Variants in F2RL2 observed in about 807,000 individuals in gnomAD.
F2RL2 encodes the protein proteinase-activated receptor 3.
In F2RL2, 4 loss-of-function variants were observed where a neutral mutation model predicts 4.3. The observed-to-expected ratio is 0.93, with a 90% CI of 0.46 to 2.12. The LOEUF is 2.12. Among genes scored for constraint, F2RL2 ranks in the 30% most tolerant of loss-of-function variants. F2RL2 has a pLI of 0.02. For synonymous variants in F2RL2, 166 were observed against 170.9 expected (o/e 0.97, Z 0.22); for missense variants, 408 against 449.3 (o/e 0.91, Z 0.83).
chr5:76,618,690 A>G, intron 1 of F2RL2, 48 bp from the exon 2 acceptor site: 1 of 1,393,712 alleles, frequency 7.2e-7, no homozygotes, highest in Non-Finnish European at 9.9e-7. Context: ...TCAAGAGAAA[A>G]GAAAGTGTGT....
At position 76,617,911 on chromosome 5, in the gene F2RL2, A is replaced by G. The variant is rs1002606691; in HGVS notation, c.796T>C (p.Leu266=). Residue 266 remains leucine (L), a synonymous_variant, in exon 2 of 2, where the codon TTG becomes CTG. Transcript: ENST00000296641. ...GGAATTAAGAATCCAAAGAATGCCA[A>G]GGAGATGAAGTAATAGAGTTGGAAG... ...SPFQLYYFIS[L]AFFGFLIPFV... is the part of the protein sequence containing the mutation. 2.5e-6 allele frequency: 4 copies of G among 1,614,162 alleles called. No homozygotes were observed. Among genetic ancestry groups the G allele is most frequent in the Non-Finnish European group, 3.4e-6 (4 of 1,180,018 alleles).
At position 76,618,541 on chromosome 5, in the gene F2RL2, A is replaced by C; in HGVS notation, c.166T>G (p.Leu56Val). Residue 56 changes from leucine to valine, a missense_variant, in exon 2 of 2, where the codon TTG becomes GTG. Coordinates refer to ENST00000296641, the MANE Select transcript of F2RL2 (RefSeq NM_004101.4). ...NSFEEFPFSA[L>V]EGWTGATITV... ...ATCGTGGCTCCTGTCCAGCCTTCCA[A>C]GGCAGAAAAGGGGAACTCTTCAAAA... The C allele has an allele frequency of 6.2e-7, 1 of 1,614,160 alleles. No individual in the cohort carries two copies. Among genetic ancestry groups the C allele is most frequent in the Non-Finnish European group, 8.5e-7 (1 of 1,180,014 alleles).
At chr5:76,621,063 G>C (rs908419831) in intron 1 of F2RL2, among the ~76,000 whole-genome samples, 1 of 152,004 alleles carries the variant, frequency 6.6e-6, no homozygotes, top group African/African-American at 2.4e-5. Flanking sequence ...CATTCTTATC[G>C]ATTTAAAATG....
chr5:76,622,482 G>C (rs1309085811), intron 1 of F2RL2, among the ~76,000 whole-genome samples: 1 of 152,156 alleles, frequency 6.6e-6, no homozygotes, highest in Non-Finnish European at 1.5e-5. Flanking sequence ...ATGTTGACTG[G>C]AGTGTGTGAC....
intron 1 of F2RL2, 24 bp from the exon 2 acceptor site, chr5:76,618,666 C>T: frequency 2.6e-6 from 4 of 1,552,700 alleles, no homozygotes; most frequent in Non-Finnish European, 2.7e-6. Flanking sequence ...AAAGTATTAA[C>T]ATAAATGTAT....
Position 76,616,949 on chromosome 5 carries a change from C to G in F2RL2, c.*633G>C, listed in dbSNP as rs1285738932. The G allele has an allele frequency of 6.6e-6, 1 of 152,212 alleles. No homozygotes were observed. The highest frequency in any genetic ancestry group is 1.5e-5 in the Non-Finnish European group (1 of 68,124). The allele number at this position is 152,212 out of a possible 1,614,324, so 9.4% of individuals were successfully genotyped here. ...TAGAATCAGTTGATGAGGCAGCCAC[C>G]AGCATGAGAGTCAAAAGAGACCAAA... On this transcript the variant is annotated 3_prime_UTR_variant, in exon 2 of 2. Coordinates refer to ENST00000296641, the MANE Select transcript of F2RL2 (RefSeq NM_004101.4).
chr5:76,622,566 C>G (rs1239161133), intron 1 of F2RL2, among the ~76,000 whole-genome samples: 3 of 152,116 alleles, frequency 2.0e-5, no homozygotes, highest in African/African-American at 7.2e-5. Context: ...TTCAGGCTAA[C>G]ATTGTGATGG....
Position 76,618,271 on chromosome 5 carries a change from A to G in F2RL2, c.436T>C (p.Leu146=), listed in dbSNP as rs372858542. ...AIADFLFCVT[L]PFKIAYHLNG... is the part of the protein sequence containing the mutation. ...AGATGATAAGCTATCTTAAAGGGCA[A>G]TGTAACACAAAAAAGAAAATCTGCA... Residue 146 remains leucine, a synonymous_variant, in exon 2 of 2, where the codon TTG becomes CTG. Coordinates refer to ENST00000296641, the MANE Select transcript of F2RL2 (RefSeq NM_004101.4). 1.2e-6 allele frequency: 2 copies of G among 1,614,232 alleles called. No homozygotes were observed. Among genetic ancestry groups the G allele is most frequent in the Non-Finnish European group, 1.7e-6 (2 of 1,180,034 alleles).
Position 76,617,678 on chromosome 5 carries a change from A to C in F2RL2, c.1029T>G (p.Ala343=). The part of the protein sequence containing the change: ...TDGLYFIYLI[A]LCLGSLNSCL... ...AACTATTAAGACTACCCAGGCACAA[A>C]GCTATGAGATATATAAAATATAAGC... The change falls in exon 2 of 2, where the codon GCT becomes GCG. Residue 343 remains alanine, a synonymous_variant. Transcript: ENST00000296641. 2.5e-6 allele frequency: 4 copies of C among 1,614,124 alleles called. No homozygotes were observed. The highest frequency in any genetic ancestry group is 3.4e-6 in the Non-Finnish European group (4 of 1,180,010).
intron 1 of F2RL2, among the ~76,000 whole-genome samples, chr5:76,621,553 A>G (rs1749674343): frequency 6.6e-6 from 1 of 152,196 alleles, no homozygotes; most frequent in African/African-American, 2.4e-5. Flanking sequence ...CGTACAAGTT[A>G]TTAGCCTGAT....
Position 76,618,279 on chromosome 5 carries a change from C to G in F2RL2, c.428G>C (p.Cys143Ser). 1 of 1,614,116 alleles carries G rather than the reference C, an allele frequency of 6.2e-7. No individual in the cohort carries two copies. Among genetic ancestry groups the G allele is most frequent in the Non-Finnish European group, 8.5e-7 (1 of 1,180,006 alleles). ...AGCTATCTTAAAGGGCAATGTAACA[C>G]AAAAAAGAAAATCTGCAATGGCCAG... is the stretch of plus-strand genomic sequence containing the variant. ...TNLAIADFLF[C>S]VTLPFKIAYH... Residue 143 changes from cysteine (C) to serine (S), a missense_variant, in exon 2 of 2, where the codon TGT becomes TCT. Physicochemically the swap from Cys to Ser is moderately radical, Grantham distance 112. Transcript: ENST00000296641.
chr5:76,623,149 C>A lies in F2RL2; in HGVS notation c.64+18G>T. The A allele has an allele frequency of 6.2e-7, 1 of 1,613,610 alleles. No individual in the cohort carries two copies. The stretch of plus-strand genomic sequence containing the variant: ...AGAAACCCACATCCCCATCCTACCC[C>A]CTGAGAAAATTGCTTACCACTCTGA... On this transcript the variant is annotated intron_variant, in intron 1 of 1. Coordinates refer to ENST00000296641, the MANE Select transcript of F2RL2 (RefSeq NM_004101.4).
rs748970412 is a variant in F2RL2 at position 76,623,201 on chromosome 5, GCC to G, written c.28_29del (p.Gly10ProfsTer16). ...AAAAAGTGGGCAACAGAAGCAGGAG[GCC>G]AGCAGCTGCAAAGATGAGGGCTTTC... MKALIFAAA[G>X]LLLLLPTFCQ... On this transcript the variant is annotated frameshift_variant, in exon 1 of 2. Transcript: ENST00000296641. LOFTEE classifies it low-confidence loss of function (END_TRUNC). 14 of 1,614,170 alleles carry G rather than the reference GCC, an allele frequency of 8.7e-6. No individual in the cohort carries two copies. In the African/African-American group the frequency reaches 1.6e-4, roughly 18 times the overall value.
chr5:76,623,344 G>C lies in F2RL2; in HGVS notation c.-114C>G, dbSNP rs1749899009. The C allele has an allele frequency of 7.6e-7, 1 of 1,310,240 alleles. No individual in the cohort carries two copies. Among genetic ancestry groups the C allele is most frequent in the South Asian group, 1.3e-5 (1 of 78,874 alleles). The allele number at this position is 1,310,240 out of a possible 1,614,324, so 81.2% of individuals were successfully genotyped here. A position where few individuals can be genotyped will look rare whatever the true frequency, so the allele number is the denominator to read the frequency against. On this transcript the variant is annotated 5_prime_UTR_variant, in exon 1 of 2. Coordinates refer to ENST00000296641, the MANE Select transcript of F2RL2 (RefSeq NM_004101.4). ...AAATGGAAGCCTTGGTCTGTCTGTA[G>C]AAGTTTGCTCTCCTGTGCCGTGCAG...
rs1749071466 is a variant in F2RL2, at chr5:76,617,278, C to T, written c.*304G>A. The T allele has an allele frequency of 4.2e-6, 1 of 240,690 alleles. No individual in the cohort carries two copies. Among genetic ancestry groups the T allele is most frequent in the Non-Finnish European group, 8.2e-6 (1 of 122,480 alleles). The allele number at this position is 240,690 out of a possible 1,614,324, so 14.9% of individuals were successfully genotyped here. A position where few individuals can be genotyped will look rare whatever the true frequency, so the allele number is the denominator to read the frequency against. On this transcript the variant is annotated 3_prime_UTR_variant, in exon 2 of 2. Transcript: ENST00000296641. ...TGGTCAACATGGTGAAACCCCGTCT[C>T]TACTAAAAATACAAGTATTTTTAGT...
chr5:76,616,510 G>C lies in F2RL2; in HGVS notation c.*1072C>G, dbSNP rs1429557782. On this transcript the variant is annotated 3_prime_UTR_variant, in exon 2 of 2. Transcript: ENST00000296641. ...TATCTAAGGAAGATTAATCTGGCAG[G>C]ACTTGTGAAGTGGTGGAGGGTAGGC... 6.5e-6 allele frequency: 1 copy of C among 153,118 alleles called. No homozygotes were observed. The highest frequency in any genetic ancestry group is 2.4e-5 in the African/African-American group (1 of 41,466). 9.5% of individuals were successfully genotyped at this position (153,118 alleles called of 1,614,324 possible).
At position 76,616,624 on chromosome 5, in the gene F2RL2, G is replaced by A. The variant is rs1748998109; in HGVS notation, c.*958C>T. 6.5e-6 allele frequency: 1 copy of A among 152,718 alleles called. No homozygotes were observed. The highest frequency in any genetic ancestry group is 2.1e-4 in the South Asian group (1 of 4,826). The allele number at this position is 152,718 out of a possible 1,614,324, so 9.5% of individuals were successfully genotyped here. On this transcript the variant is annotated 3_prime_UTR_variant, in exon 2 of 2. Coordinates refer to ENST00000296641, the MANE Select transcript of F2RL2 (RefSeq NM_004101.4). The stretch of plus-strand genomic sequence containing the variant: ...CCCAGCACTTTGGGAGGCTGAGATA[G>A]GAAGATCACTCGAGACCAGGAGTTC...
rs1417876457 is a variant in F2RL2 at position 76,620,384 on chromosome 5, G to T, written c.65-1742C>A. On this transcript the variant is annotated intron_variant, in intron 1 of 1. Coordinates refer to ENST00000296641, the MANE Select transcript of F2RL2 (RefSeq NM_004101.4). ...GGACTTGGTTCTGATTGGCTTTGGG[G>T]TGCAGTGAGGGAGAGGCAGGAAGCA... Among the ~76,000 whole-genome samples the T allele has an allele frequency of 2.0e-5, 3 of 152,252 alleles. No individual in the cohort carries two copies. The East Asian group carries it at 5.8e-4, about 29-fold the overall frequency.
chr5:76,621,894 C>T (rs960085722), intron 1 of F2RL2, among the ~76,000 whole-genome samples: 3 of 152,122 alleles, frequency 2.0e-5, no homozygotes, highest in African/African-American at 7.2e-5. Context: ...GAATGAACTC[C>T]GGCCTCTCAG....
Sources: allele counts gnomAD v4.1 joint callset (sites outside exome capture counted in the v4.1 genomes callset), GRCh38; gene constraint gnomAD v4.1.1; transcripts MANE v1.5; gene names NCBI Gene and HGNC (gene_info 2026-07-23, HGNC 2026-07-21).